The following HDAC9 variants were observed in gnomAD, a reference collection of about 807,000 sequenced individuals.
HDAC9 encodes the protein MEF-2 interacting transcription repressor (MITR) protein.
In HDAC9, 41 loss-of-function variants were observed where a neutral mutation model predicts 139.4. That is an observed-to-expected ratio of 0.29 (90% CI 0.23 to 0.38). The LOEUF (loss-of-function observed/expected upper bound fraction) is 0.38. HDAC9 is among the 10% of genes least tolerant of loss of function. The pLI is 1.00. For synonymous variants in HDAC9, 517 were observed against 476.2 expected, an observed-to-expected ratio of 1.09 and a Z score of -1.12; for missense variants, 1,147 against 1,297.0, an observed-to-expected ratio of 0.88 and a Z score of 1.78.
intron 2 of HDAC9, among the ~76,000 whole-genome samples, chr7:18,203,058 G>A (rs777081608): frequency 2.0e-5 from 3 of 152,166 alleles, no homozygotes; most frequent in African/African-American, 4.8e-5. Flanking sequence ...CAGTCCCCAC[G>A]TGCCTAATTG....
At chr7:18,565,451 A>C in intron 2 of HDAC9, among the ~76,000 whole-genome samples, 1 of 152,204 alleles carries the variant, frequency 6.6e-6, no homozygotes, top group East Asian at 1.9e-4. Flanking sequence ...AAGATTACTT[A>C]ATCAGCATCA....
chr7:18,955,262 G>A (rs564231871), intron 24 of HDAC9, among the ~76,000 whole-genome samples: 1 of 152,184 alleles, frequency 6.6e-6, no homozygotes, highest in Admixed American at 6.5e-5. Context: ...GATTTCATAA[G>A]CTTAAGAAGA....
intron 22 of HDAC9, among the ~76,000 whole-genome samples, chr7:18,888,462 C>T (rs1246874481): frequency 1.3e-5 from 2 of 152,130 alleles, no homozygotes; most frequent in Non-Finnish European, 2.9e-5. Context: ...CTTTCACTGG[C>T]TCTCAGGATT....
At chr7:18,906,237 C>A (rs897105300) in intron 22 of HDAC9, among the ~76,000 whole-genome samples, 1 of 151,834 alleles carries the variant, frequency 6.6e-6, no homozygotes, top group Non-Finnish European at 1.5e-5. Flanking sequence ...AGACGCCTCC[C>A]AGGCTCAAGT....
intron 2 of HDAC9, among the ~76,000 whole-genome samples, chr7:18,180,478 C>T (rs1433717658): frequency 6.6e-6 from 1 of 151,890 alleles, no homozygotes; most frequent in African/African-American, 2.4e-5. Context: ...GATCATTTTA[C>T]AATTTCCATC....
intron 8 of HDAC9, among the ~76,000 whole-genome samples, chr7:18,636,354 G>T (rs967531272): frequency 6.6e-6 from 1 of 152,066 alleles, no homozygotes; most frequent in Non-Finnish European, 1.5e-5. Context: ...TCTCTCAGAT[G>T]TCGTAACCAC....
chr7:18,426,327 T>TA (rs1790110870), intron 1 of HDAC9, among the ~76,000 whole-genome samples: 1 of 152,228 alleles, frequency 6.6e-6, no homozygotes, highest in Non-Finnish European at 1.5e-5. Context: ...AGCTTTCATG[T>TA]AAGTGGCGGC....
chr7:18,788,204 G>A (rs1311916657), intron 16 of HDAC9, among the ~76,000 whole-genome samples: 1 of 152,038 alleles, frequency 6.6e-6, no homozygotes, highest in East Asian at 1.9e-4. Context: ...GCCTCCCTTT[G>A]GCTCACATTG....
chr7:18,188,287 G>T (rs541052153), intron 2 of HDAC9, among the ~76,000 whole-genome samples: 2 of 152,258 alleles, frequency 1.3e-5, no homozygotes, highest in African/African-American at 4.8e-5. Context: ...GGGAAAACTG[G>T]CTAGCTATAT....
chr7:18,103,623 A>C (rs1490253602), intron 1 of HDAC9, among the ~76,000 whole-genome samples: 2 of 152,144 alleles, frequency 1.3e-5, no homozygotes, highest in Non-Finnish European at 2.9e-5. Flanking sequence ...ACGTACAGCC[A>C]AAGCTATATG....
intron 1 of HDAC9, chr7:18,459,005 A>G: frequency 1.2e-6 from 1 of 849,548 alleles, no homozygotes; most frequent in Non-Finnish European, 1.9e-6. Context: ...GCGGTCAGCA[A>G]CAACTTGGCC....
intron 22 of HDAC9, among the ~76,000 whole-genome samples, chr7:18,890,927 A>G (rs779613797): frequency 4.5e-4 from 68 of 152,218 alleles, no homozygotes; most frequent in Non-Finnish European, 7.3e-4. Flanking sequence ...TAGTGTACTC[A>G]GGATTTAATT....
intron 2 of HDAC9, among the ~76,000 whole-genome samples, chr7:18,217,005 A>G (rs549019136): frequency 2.0e-5 from 3 of 152,252 alleles, no homozygotes; most frequent in Admixed American, 2.0e-4. Flanking sequence ...ACATTCTAAA[A>G]CAGATTTTTA....
At position 18,213,290 on chromosome 7, in the gene HDAC9, C is replaced by G. The variant is rs536252473; in HGVS notation, c.25+50941C>G. ...ATGATGAGCAGTATTCATGACCTCCCCCTCCATTTTTCTCCTTACAACCTC... is the reference window on the plus strand; with the variant it reads ...ATGATGAGCAGTATTCATGACCTCCGCCTCCATTTTTCTCCTTACAACCTC... On this transcript the variant is annotated intron_variant, in intron 2 of 12. Coordinates refer to the HDAC9 transcript ENST00000417496. Among the ~76,000 whole-genome samples, 54 of 152,212 alleles carry G rather than the reference C, an allele frequency of 3.5e-4. 1 individual carries two copies. The South Asian group carries it at 0.011, about 30-fold the overall frequency.
intron 23 of HDAC9, among the ~76,000 whole-genome samples, chr7:18,946,693 T>A (rs2528407): frequency 0.96 from 146,134 of 152,188 alleles, 70,183 homozygotes; most frequent in East Asian, 1. Flanking sequence ...ATGAAAAAAT[T>A]GGCAAAACCA....
chr7:18,097,114 T>C (rs1782557235), intron 1 of HDAC9, among the ~76,000 whole-genome samples: 1 of 152,196 alleles, frequency 6.6e-6, no homozygotes, highest in South Asian at 2.1e-4. Flanking sequence ...TTGAGTTTTA[T>C]TTAGTTTTAA....
chr7:18,823,350 T>G (rs1164042593), intron 17 of HDAC9, among the ~76,000 whole-genome samples: 1 of 152,196 alleles, frequency 6.6e-6, no homozygotes. Flanking sequence ...GAGAGTTCAT[T>G]GTTAAGGACT....
At chr7:18,656,007 G>A (rs1791008153) in intron 11 of HDAC9, among the ~76,000 whole-genome samples, 1 of 151,256 alleles carries the variant, frequency 6.6e-6, no homozygotes. Flanking sequence ...ATATAGTTAA[G>A]TGATTTGTAG....
intron 1 of HDAC9, among the ~76,000 whole-genome samples, chr7:18,124,224 A>C (rs535565109): frequency 2.6e-5 from 4 of 152,348 alleles, no homozygotes; most frequent in East Asian, 3.9e-4. Flanking sequence ...GTAGACAAAT[A>C]AGAAGGTGGA....
Sources: allele counts gnomAD v4.1 joint callset (sites outside exome capture counted in the v4.1 genomes callset), GRCh38; gene constraint gnomAD v4.1.1; transcripts MANE v1.5; gene names NCBI Gene and HGNC (gene_info 2026-07-23, HGNC 2026-07-21).